Variants in GALNT5 observed in about 807,000 individuals in gnomAD.
The protein encoded by GALNT5 is polypeptide N-acetylgalactosaminyltransferase 5.
In GALNT5, 72 loss-of-function variants were observed where a neutral mutation model predicts 85.4. That is an observed-to-expected ratio of 0.84 (90% CI 0.70 to 1.03). The LOEUF (loss-of-function observed/expected upper bound fraction) is 1.03, where lower values mean the gene tolerates loss of function less well. GALNT5 is among the 50% of genes least tolerant of loss of function. The pLI, the probability that GALNT5 is intolerant of heterozygous loss-of-function variation, is 0.00. For synonymous variants in GALNT5, 404 were observed against 397.0 expected (o/e 1.02, Z -0.21); for missense variants, 1,137 against 1,135.5 (o/e 1.00, Z -0.02).
Position 157,259,281 on chromosome 2 carries a change from C to A in GALNT5, c.1199C>A (p.Ala400Asp), listed in dbSNP as rs1172595021. 1 of 1,610,720 alleles carries A rather than the reference C, an allele frequency of 6.2e-7. No homozygotes were observed. Among genetic ancestry groups the A allele is most frequent in the Non-Finnish European group, 8.5e-7 (1 of 1,178,596 alleles). Residue 400 changes from alanine to aspartate, a missense_variant, in exon 1 of 10, where the codon GCC (alanine) becomes GAC (aspartate). Transcript: ENST00000259056. Reference sequence around the variant, plus strand: ...GCAAAAATCAACATAACTGCCAAAGCCCCCTCTACAGAATACAACCAGAGT... The same window carrying A: ...GCAAAAATCAACATAACTGCCAAAGACCCCTCTACAGAATACAACCAGAGT... ...EPAKINITAKAPSTEYNQSHI... is the reference protein window; with the variant it reads ...EPAKINITAKDPSTEYNQSHI...
Position 157,313,981 on chromosome 2 carries a change from GT to G in GALNT5, c.*2634del, listed in dbSNP as rs1415892456. The G allele has an allele frequency of 6.6e-6, 1 of 152,104 alleles. No homozygotes were observed. The highest frequency in any genetic ancestry group is 1.5e-5 in the Non-Finnish European group (1 of 68,014). 9.4% of individuals were successfully genotyped at this position (152,104 alleles called of 1,614,324 possible). On this transcript the variant is annotated 3_prime_UTR_variant, in exon 10 of 10. Transcript: ENST00000259056. The stretch of plus-strand genomic sequence containing the variant: ...GGAATCTATATGGGCCTAAACTTGA[GT>G]GTATTGATTTATTATTACATCTACT...
intron 3 of GALNT5, among the ~76,000 whole-genome samples, chr2:157,294,532 A>C (rs1165772673): frequency 6.6e-6 from 1 of 152,104 alleles, no homozygotes; most frequent in East Asian, 1.9e-4. Flanking sequence ...CTGAGTTAGG[A>C]ATGCAGACAG....
chr2:157,317,341 A>G lies in GALNT5; in HGVS notation c.*5993A>G, dbSNP rs1250250151. 2.6e-5 allele frequency among the ~76,000 whole-genome samples: 4 copies of G among 152,070 alleles called. No homozygotes were observed. Among genetic ancestry groups the G allele is most frequent in the Non-Finnish European group, 5.9e-5 (4 of 67,972 alleles). On this transcript the variant is annotated 3_prime_UTR_variant, in exon 10 of 10. Coordinates refer to ENST00000259056, the MANE Select transcript of GALNT5 (RefSeq NM_014568.3). ...TGCATCTGGCCTTCTGCACAAAAGT[A>G]TCTCAAGTGAACTTACACTCTGGAT...
intron 2 of GALNT5, 25 bp downstream of exon 2, chr2:157,284,473 C>T (rs765365003): frequency 1.1e-5 from 18 of 1,601,750 alleles, no homozygotes; most frequent in Non-Finnish European, 1.5e-5. Flanking sequence ...CAGGCTATCT[C>T]TTGAAATTTC....
At chr2:157,286,317 A>G (rs1028864908) in intron 3 of GALNT5, among the ~76,000 whole-genome samples, 183 bp downstream of exon 3, 2 of 152,196 alleles carry the variant, frequency 1.3e-5, no homozygotes, top group African/African-American at 2.4e-5. Context: ...CACCTATTGT[A>G]TATACTTTTT....
In GALNT5 at chr2:157,311,247, T is replaced by C. The variant is rs1683563350; in HGVS notation, c.2722T>C (p.Cys908Arg). 6.2e-7 allele frequency: 1 copy of C among 1,611,024 alleles called. No individual in the cohort carries two copies. Among genetic ancestry groups the C allele is most frequent in the Non-Finnish European group, 8.5e-7 (1 of 1,177,602 alleles). Residue 908 changes from cysteine (C) to arginine (R), a missense_variant, in exon 10 of 10, where the codon TGC (cysteine) becomes CGC (arginine). Cys to Arg is a radical substitution (Grantham distance 180). Coordinates refer to ENST00000259056, the MANE Select transcript of GALNT5 (RefSeq NM_014568.3). ...TTTTGAAAACAATCAGCAATTATTA[T>C]GCTTGGAAGGAAATTTTTCTCAAAA... ...IVFENNQQLL[C>R]LEGNFSQKIL...
chr2:157,310,263 T>C (rs557196344), intron 9 of GALNT5, among the ~76,000 whole-genome samples: 1 of 152,338 alleles, frequency 6.6e-6, no homozygotes, highest in South Asian at 2.1e-4. Flanking sequence ...TGTTACCAAA[T>C]GTCCTGGAGA....
At chr2:157,298,746 GCCTT>G (rs957695203) in intron 5 of GALNT5, 1 of 152,226 alleles carries the variant, frequency 6.6e-6, no homozygotes, top group African/African-American at 2.4e-5. Context: ...CACTCTCACG[GCCTT>G]CCTTCCAGTA....
intron 1 of GALNT5, among the ~76,000 whole-genome samples, chr2:157,273,811 T>C (rs1682653492): frequency 6.6e-6 from 1 of 151,512 alleles, no homozygotes; most frequent in African/African-American, 2.4e-5. Context: ...CCAGGGTAAT[T>C]TTTTGTATTT....
chr2:157,303,730 A>G (rs7593892), intron 7 of GALNT5, among the ~76,000 whole-genome samples: 124,226 of 152,106 alleles, frequency 0.82, 52,057 homozygotes, highest in South Asian at 0.92. Context: ...GGAAAAAAAA[A>G]TCTTCAGGTC....
chr2:157,290,087 G>GTATATATATATATATATA (rs55861093), intron 3 of GALNT5, among the ~76,000 whole-genome samples: 3 of 131,668 alleles, frequency 2.3e-5, no homozygotes, highest in African/African-American at 1.0e-4. Context: ...AAAAAAAAAT[G>GTATATATATATATATATA]TATATATATA....
rs1447553254 is a variant in GALNT5 at position 157,314,377 on chromosome 2, C to G, written c.*3029C>G. On this transcript the variant is annotated 3_prime_UTR_variant, in exon 10 of 10. Coordinates refer to ENST00000259056, the MANE Select transcript of GALNT5 (RefSeq NM_014568.3). ...TTCAACAGTTACCCAGCGCTTCTGC[C>G]CTACTCTCTTGTAAGCTGACACAGT... is the stretch of plus-strand genomic sequence containing the variant. 6.6e-6 allele frequency among the ~76,000 whole-genome samples: 1 copy of G among 152,114 alleles called. No individual in the cohort carries two copies. Among genetic ancestry groups the G allele is most frequent in the Non-Finnish European group, 1.5e-5 (1 of 68,022 alleles).
chr2:157,300,216 T>C (rs928810218), intron 6 of GALNT5, among the ~76,000 whole-genome samples: 6 of 152,172 alleles, frequency 3.9e-5, no homozygotes, highest in African/African-American at 1.4e-4. Flanking sequence ...TGCTTTCCTA[T>C]TGGGTGGGTG....
chr2:157,296,731 G>T (rs1347605968), intron 5 of GALNT5, among the ~76,000 whole-genome samples: 1 of 152,140 alleles, frequency 6.6e-6, no homozygotes, highest in Non-Finnish European at 1.5e-5. Flanking sequence ...CCTGAACACA[G>T]AAAAATTCAC....
Position 157,259,017 on chromosome 2 carries a change from G to A in GALNT5, c.935G>A (p.Gly312Glu), listed in dbSNP as rs769946518. 25 of 1,474,734 alleles carry A rather than the reference G, an allele frequency of 1.7e-5. No individual in the cohort carries two copies. Among genetic ancestry groups the A allele is most frequent in the Non-Finnish European group, 2.1e-5 (23 of 1,110,888 alleles). The allele number at this position is 1,474,734 out of a possible 1,614,324, so 91.4% of individuals were successfully genotyped here. Residue 312 changes from glycine to glutamate, a missense_variant, in exon 1 of 10, where the codon GGG becomes GAG. Physicochemically the swap from Gly to Glu is moderately conservative, Grantham distance 98 (BLOSUM62 -2). Coordinates refer to ENST00000259056, the MANE Select transcript of GALNT5 (RefSeq NM_014568.3). ...SKDDGARGAHGKKLNFSESHL... is the reference protein window; with the variant it reads ...SKDDGARGAHEKKLNFSESHL... ...GATGATGGAGCTAGAGGGGCTCATG[G>A]GAAGAAACTCAATTTCTCTGAAAGC...
At chr2:157,295,175 A>G (rs1056855450) in intron 3 of GALNT5, among the ~76,000 whole-genome samples, 8 of 152,098 alleles carry the variant, frequency 5.3e-5, no homozygotes, top group African/African-American at 1.9e-4. Flanking sequence ...CCTGTCTCCT[A>G]TAACTCTTTT....
At chr2:157,304,967 T>C (rs1030841757) in intron 7 of GALNT5, among the ~76,000 whole-genome samples, 1 of 152,170 alleles carries the variant, frequency 6.6e-6, no homozygotes, top group East Asian at 1.9e-4. Context: ...CTCAGGAGGC[T>C]TTCCCAGGAC....
chr2:157,284,577 T>C (rs979103148), intron 2 of GALNT5, 129 bp downstream of exon 2: 8 of 697,972 alleles, frequency 1.1e-5, no homozygotes, highest in Non-Finnish European at 1.7e-5. Context: ...TGCTTTGTTT[T>C]ACGTGGAGCC....
rs1292694926 is a variant in GALNT5 at position 157,317,198 on chromosome 2, A to ATATATATAT, written c.*5851_*5852insATATATATT. On this transcript the variant is annotated 3_prime_UTR_variant, in exon 10 of 10. Coordinates refer to ENST00000259056, the MANE Select transcript of GALNT5 (RefSeq NM_014568.3). ...TGTATATATATATATATATATATAT[A>ATATATATAT]TTTTTTTTTTTGATGCTTTGATCTG... is the stretch of plus-strand genomic sequence containing the variant. Among the ~76,000 whole-genome samples the ATATATATAT allele has an allele frequency of 3.8e-5, 5 of 132,982 alleles. No homozygotes were observed. The South Asian group carries it at 9.2e-4, about 25-fold the overall frequency. 87.2% of individuals were successfully genotyped at this position (132,982 alleles called of 152,430 possible).
Sources: gnomAD v4.1 joint callset for allele counts (sites outside exome capture counted in the v4.1 genomes callset) on GRCh38, gnomAD v4.1.1 for gene constraint, MANE v1.5 for transcripts, NCBI Gene and HGNC (gene_info 2026-07-23, HGNC 2026-07-21) for gene names.